The following LHFPL6 variants were observed in gnomAD, a reference collection of about 807,000 sequenced individuals.
LHFPL6 encodes the protein LHFPL tetraspan subfamily member 6 protein.
In LHFPL6, 9 loss-of-function variants were observed where a neutral mutation model predicts 20.6. The ratio of observed to expected loss-of-function variants is 0.44; its 90% CI spans 0.26 to 0.76. The LOEUF is 0.76. Among genes scored for constraint, LHFPL6 ranks in the 30% least tolerant of loss-of-function variants. LHFPL6 has a pLI of 0.20. For missense variants in LHFPL6, 218 were observed against 253.5 expected, an observed-to-expected ratio of 0.86 and a Z score of 0.95; for synonymous variants, 105 against 98.7, an observed-to-expected ratio of 1.06 and a Z score of -0.38.
At chr13:39,478,377 C>A (rs1368886751) in intron 2 of LHFPL6, among the ~76,000 whole-genome samples, 1 of 152,070 alleles carries the variant, frequency 6.6e-6, no homozygotes, top group African/African-American at 2.4e-5. Flanking sequence ...AAAGAACTCA[C>A]AAACTAGAAA....
intron 2 of LHFPL6, among the ~76,000 whole-genome samples, chr13:39,546,049 G>A (rs1330595751): frequency 2.0e-5 from 3 of 152,058 alleles, no homozygotes; most frequent in Non-Finnish European, 4.4e-5. Context: ...ATATGAAGGG[G>A]CAACTCTATC....
chr13:39,590,840 A>T (rs1872570834), intron 2 of LHFPL6, among the ~76,000 whole-genome samples: 1 of 152,180 alleles, frequency 6.6e-6, no homozygotes, highest in Non-Finnish European at 1.5e-5. Flanking sequence ...TGTTTTCACA[A>T]GATAGGTCAA....
At chr13:39,553,641 G>A (rs1871210525) in intron 2 of LHFPL6, among the ~76,000 whole-genome samples, 1 of 152,212 alleles carries the variant, frequency 6.6e-6, no homozygotes, top group Non-Finnish European at 1.5e-5. Flanking sequence ...GAGCCCAGCA[G>A]TGTGAGGCTG....
chr13:39,527,607 G>A (rs1870333424), intron 2 of LHFPL6, among the ~76,000 whole-genome samples: 1 of 151,428 alleles, frequency 6.6e-6, no homozygotes, highest in African/African-American at 2.4e-5. Flanking sequence ...ATCAAACTGA[G>A]TGTTCCTTCT....
chr13:39,471,033 A>G (rs1258126451), intron 2 of LHFPL6, among the ~76,000 whole-genome samples: 1 of 152,202 alleles, frequency 6.6e-6, no homozygotes, highest in Non-Finnish European at 1.5e-5. Flanking sequence ...ATAGTTGAGG[A>G]AGACGGGTTT....
chr13:39,511,023 C>T (rs1869683805), intron 2 of LHFPL6, among the ~76,000 whole-genome samples: 1 of 152,132 alleles, frequency 6.6e-6, no homozygotes, highest in Non-Finnish European at 1.5e-5. Context: ...CAGGTGCCCA[C>T]CACCACGCCC....
intron 2 of LHFPL6, among the ~76,000 whole-genome samples, chr13:39,407,650 G>A (rs1056671555): frequency 1.6e-4 from 24 of 152,166 alleles, no homozygotes; most frequent in African/African-American, 5.8e-4. Flanking sequence ...TAAATGTAAT[G>A]AACTATGAAA....
intron 2 of LHFPL6, among the ~76,000 whole-genome samples, chr13:39,472,611 T>G (rs1280912729): frequency 1.3e-5 from 2 of 152,084 alleles, no homozygotes; most frequent in Non-Finnish European, 2.9e-5. Flanking sequence ...TCATTTTAAT[T>G]AATTTTTTTG....
intron 2 of LHFPL6, among the ~76,000 whole-genome samples, chr13:39,441,609 C>T (rs1872136143): frequency 1.3e-5 from 2 of 151,760 alleles, no homozygotes; most frequent in South Asian, 4.2e-4. Context: ...ACCTCCTGGG[C>T]TCAAGTGATC....
chr13:39,452,116 A>AAT (rs1555263056), intron 2 of LHFPL6, among the ~76,000 whole-genome samples: 1 of 148,380 alleles, frequency 6.7e-6, no homozygotes, highest in Non-Finnish European at 1.5e-5. Flanking sequence ...AAAAAAAAAA[A>AAT]GGATATAACA....
chr13:39,467,197 C>T (rs17060000), intron 2 of LHFPL6, among the ~76,000 whole-genome samples: 23,760 of 152,034 alleles, frequency 0.16, 3,467 homozygotes, highest in East Asian at 0.51. Context: ...CCTTATTCAC[C>T]TATGATTCCC....
chr13:39,483,012 T>C (rs1436942538), intron 2 of LHFPL6, among the ~76,000 whole-genome samples: 1 of 152,234 alleles, frequency 6.6e-6, no homozygotes, highest in Non-Finnish European at 1.5e-5. Context: ...GTTTTAACAG[T>C]GATCTCAGAT....
intron 2 of LHFPL6, among the ~76,000 whole-genome samples, chr13:39,478,385 A>C (rs1440369507): frequency 6.6e-6 from 1 of 152,196 alleles, no homozygotes; most frequent in Non-Finnish European, 1.5e-5. Flanking sequence ...CACAAACTAG[A>C]AAGGAAGCTA....
intron 2 of LHFPL6, among the ~76,000 whole-genome samples, chr13:39,500,071 A>C (rs995491779): frequency 6.6e-6 from 1 of 151,790 alleles, no homozygotes; most frequent in Admixed American, 6.6e-5. Context: ...CAGATAAGCC[A>C]GTTTCTCTCT....
intron 2 of LHFPL6, among the ~76,000 whole-genome samples, chr13:39,394,440 C>T (rs1355620312): frequency 1.3e-5 from 2 of 152,130 alleles, no homozygotes; most frequent in African/African-American, 4.8e-5. Flanking sequence ...TGGTTGAATC[C>T]TCAAATGTAA....
intron 2 of LHFPL6, among the ~76,000 whole-genome samples, chr13:39,580,288 A>C (rs1372796653): frequency 6.6e-6 from 1 of 152,176 alleles, no homozygotes; most frequent in African/African-American, 2.4e-5. Context: ...GGTGTTAAAA[A>C]AAAAACTTGT....
intron 2 of LHFPL6, among the ~76,000 whole-genome samples, chr13:39,591,085 G>A (rs1872577458): frequency 6.6e-6 from 1 of 152,064 alleles, no homozygotes; most frequent in African/African-American, 2.4e-5. Context: ...CAAGTATAAT[G>A]GAAAACTCTA....
chr13:39,497,059 T>A (rs151227838), intron 2 of LHFPL6, among the ~76,000 whole-genome samples: 217 of 152,266 alleles, frequency 1.4e-3, no homozygotes, highest in African/African-American at 4.9e-3. Flanking sequence ...ACTATTACCT[T>A]CAGTAAGGAG....
intron 2 of LHFPL6, among the ~76,000 whole-genome samples, chr13:39,478,986 A>T (rs942628774): frequency 1.3e-5 from 2 of 151,016 alleles, no homozygotes; most frequent in African/African-American, 4.9e-5. Flanking sequence ...CATATATATA[A>T]AATGAGATTT....
Sources: allele counts gnomAD v4.1 joint callset (sites outside exome capture counted in the v4.1 genomes callset), GRCh38; gene constraint gnomAD v4.1.1; transcripts MANE v1.5; gene names NCBI Gene and HGNC (gene_info 2026-07-23, HGNC 2026-07-21).